CELF2: variants seen among roughly 807,000 people sequenced by gnomAD.
CELF2 encodes CUGBP Elav-like family member 2, also known as CUG triplet repeat RNA-binding protein 2.
A neutral mutation model predicts 62.6 loss-of-function variants in CELF2; 8 were observed. That is an observed-to-expected ratio of 0.13 (90% CI 0.07 to 0.23). The LOEUF (loss-of-function observed/expected upper bound fraction) is 0.23. Ranked by LOEUF, CELF2 falls within the 10% of genes least tolerant of loss-of-function variation. The pLI is 1.00. For missense variants in CELF2, 333 were observed against 671.0 expected (o/e 0.50, Z 5.56); for synonymous variants, 258 against 250.0 (o/e 1.03, Z -0.30).
rs148715470 is a variant in CELF2 at position 11,278,372 on chromosome 10, G to A, written c.841+3252G>A. Among the ~76,000 whole-genome samples, 109 of 152,290 alleles carry A rather than the reference G, an allele frequency of 7.2e-4. 2 individuals are homozygous for A. In the East Asian group the frequency reaches 0.018, roughly 26 times the overall value. On this transcript the variant is annotated intron_variant, in intron 8 of 12. Transcript: ENST00000633077. ...TACTTTTTGTGCCTCCTTGGAGTTG[G>A]TTGGTTTTTATTTTCCCTCTTAAAA...
the CELF2 span, among the ~76,000 whole-genome samples, chr10:10,706,745 G>A: frequency 4.6e-5 from 7 of 152,158 alleles, no homozygotes; most frequent in African/African-American, 7.2e-5. Flanking sequence ...TAGTGGCAGA[G>A]TCAAGAAAAA....
chr10:10,718,985 C>CT, the CELF2 span, among the ~76,000 whole-genome samples: 2,271 of 125,098 alleles, frequency 0.018, 66 homozygotes, highest in African/African-American at 0.036. Context: ...TTATTATTCT[C>CT]TTTTTTTTTT....
At position 11,145,407 on chromosome 10, in the gene CELF2, G is replaced by T. The variant is rs1402917114; in HGVS notation, c.75-20079G>T. Among the ~76,000 whole-genome samples the T allele has an allele frequency of 1.3e-5, 2 of 152,218 alleles. No individual in the cohort carries two copies. Among genetic ancestry groups the T allele is most frequent in the Non-Finnish European group, 2.9e-5 (2 of 68,050 alleles). The stretch of plus-strand genomic sequence containing the variant: ...GTGCTGACCAAGCAAATAATAGCAG[G>T]TTGTATGCAGGACTCCCACGTTTGA... On this transcript the variant is annotated intron_variant, in intron 1 of 12. Coordinates refer to ENST00000633077, the MANE Select transcript of CELF2 (RefSeq NM_001326342.2). The surrounding 1 kb of genome is among the most constrained non-coding windows in gnomAD (Gnocchi z 4.3).
At chr10:11,009,870 G>A (rs577720132) in intron 1 of CELF2, among the ~76,000 whole-genome samples, 131 of 152,316 alleles carry the variant, frequency 8.6e-4, no homozygotes, top group African/African-American at 3.0e-3. Context: ...TCCGATATGC[G>A]TGGCTGTTTT....
chr10:11,003,927 T>C (rs1178183949), upstream of CELF2, among the ~76,000 whole-genome samples: 1 of 152,210 alleles, frequency 6.6e-6, no homozygotes, highest in Non-Finnish European at 1.5e-5. The surrounding 1 kb of genome is among the most constrained non-coding windows in gnomAD (Gnocchi z 4.4). Context: ...CGCCTTCTTG[T>C]TGCCCTCTAG....
At chr10:10,795,566 T>A (rs765002742), upstream of CELF2, among the ~76,000 whole-genome samples, 14 of 152,318 alleles carry the variant, frequency 9.2e-5, no homozygotes, top group Non-Finnish European at 1.9e-4. Flanking sequence ...ACCCTCATTG[T>A]TGAAGATGAA....
At chr10:11,304,096 T>C (rs369761222) in intron 9 of CELF2, among the ~76,000 whole-genome samples, 6 of 152,294 alleles carry the variant, frequency 3.9e-5, no homozygotes, top group Admixed American at 2.0e-4. Flanking sequence ...ACATTTATTA[T>C]GTTGCAGTTC....
At chr10:11,161,550 G>A (rs1304158906) in intron 1 of CELF2, among the ~76,000 whole-genome samples, 1 of 152,214 alleles carries the variant, frequency 6.6e-6, no homozygotes, top group Non-Finnish European at 1.5e-5. Context: ...GACTCTCATT[G>A]GGTTCATCTC....
chr10:11,026,460 AT>A (rs1193452923), intron 1 of CELF2, among the ~76,000 whole-genome samples: 2 of 152,186 alleles, frequency 1.3e-5, no homozygotes, highest in African/African-American at 4.8e-5. Context: ...GGTTGAAATC[AT>A]TTGGTCCTTG....
chr10:11,299,404 G>A (rs1590998338), intron 9 of CELF2, among the ~76,000 whole-genome samples: 2 of 152,302 alleles, frequency 1.3e-5, no homozygotes, highest in East Asian at 3.9e-4. Flanking sequence ...ATGTTGCCCA[G>A]AGGAAAATCT....
rs2050913484 is a variant in CELF2, at chr10:10,972,987, A to C, written c.89+52988A>C. ...TGGCAAAGAATGTGAAACCCTGAGG[A>C]GAATAGTTAAAGCAGAAGGCAGCCG... On this transcript the variant is annotated intron_variant, in intron 2 of 13. Transcript: ENST00000636488. The surrounding 1 kb of genome is among the most constrained non-coding windows in gnomAD (Gnocchi z 4.4). Among the ~76,000 whole-genome samples the C allele has an allele frequency of 6.6e-6, 1 of 152,124 alleles. No individual in the cohort carries two copies. The highest frequency in any genetic ancestry group is 6.5e-5 in the Admixed American group (1 of 15,278).
intron 1 of CELF2, among the ~76,000 whole-genome samples, chr10:10,859,780 G>C (rs568846005): frequency 1.3e-5 from 2 of 152,198 alleles, no homozygotes; most frequent in South Asian, 4.1e-4. Flanking sequence ...AGATGCTTAA[G>C]TTTTCAGTGT....
chr10:10,759,602 T>A, the CELF2 span, among the ~76,000 whole-genome samples: 12 of 151,800 alleles, frequency 7.9e-5, no homozygotes, highest in South Asian at 2.1e-4. Context: ...AACTACCACG[T>A]CTGACCTAGT....
the CELF2 span, among the ~76,000 whole-genome samples, chr10:10,702,334 G>A: frequency 1.3e-5 from 2 of 152,026 alleles, no homozygotes; most frequent in Non-Finnish European, 2.9e-5. Context: ...TTTTGGCTAG[G>A]GATTTCCTTT....
At chr10:10,911,867 A>G (rs2063841993) in intron 1 of CELF2, among the ~76,000 whole-genome samples, 1 of 152,210 alleles carries the variant, frequency 6.6e-6, no homozygotes, top group Non-Finnish European at 1.5e-5. Flanking sequence ...TATTGCAATC[A>G]TTTCCACCCA....
At chr10:10,820,721 A>C (rs2056885574) in intron 1 of CELF2, among the ~76,000 whole-genome samples, 1 of 152,168 alleles carries the variant, frequency 6.6e-6, no homozygotes, top group Admixed American at 6.5e-5. Context: ...AGATCAGAAC[A>C]CCATATGGGA....
chr10:10,594,566 G>A, the CELF2 span, among the ~76,000 whole-genome samples: 3 of 151,956 alleles, frequency 2.0e-5, no homozygotes, highest in Non-Finnish European at 4.4e-5. Context: ...CTTCCTTTAG[G>A]AAGCAGCAGC....
intron 2 of CELF2, among the ~76,000 whole-genome samples, chr10:10,921,751 G>T (rs967375116): frequency 6.6e-6 from 1 of 152,046 alleles, no homozygotes; most frequent in African/African-American, 2.4e-5. Flanking sequence ...CGCAGGAAAG[G>T]GGTGTGTGGA....
chr10:11,099,087 A>T (rs571433287), intron 1 of CELF2, among the ~76,000 whole-genome samples: 1 of 152,364 alleles, frequency 6.6e-6, no homozygotes, highest in South Asian at 2.1e-4. Context: ...ACAGCGTCCC[A>T]TCTTTCAGGA....
Sources: allele counts gnomAD v4.1 joint callset (sites outside exome capture counted in the v4.1 genomes callset), GRCh38; gene constraint gnomAD v4.1.1; non-coding constraint Gnocchi (gnomAD v3.1); transcripts MANE v1.5; gene names NCBI Gene and HGNC (gene_info 2026-07-23, HGNC 2026-07-21).